Variants in FAM168A observed in about 807,000 individuals in gnomAD.
FAM168A encodes protein FAM168A.
A neutral mutation model predicts 28.5 loss-of-function variants in FAM168A; 3 were observed. That is an observed-to-expected ratio of 0.11 (90% CI 0.05 to 0.27). The LOEUF (loss-of-function observed/expected upper bound fraction) is 0.27, where lower values mean the gene tolerates loss of function less well. Among genes scored for constraint, FAM168A ranks in the 10% least tolerant of loss-of-function variants. FAM168A has a pLI of 1.00. For synonymous variants in FAM168A, 122 were observed against 124.2 expected, an observed-to-expected ratio of 0.98 and a Z score of 0.12; for missense variants, 222 against 311.5, an observed-to-expected ratio of 0.71 and a Z score of 2.16.
At chr11:73,524,373 G>A (rs1273042418) in intron 1 of FAM168A, among the ~76,000 whole-genome samples, 2 of 151,624 alleles carry the variant, frequency 1.3e-5, no homozygotes, top group Non-Finnish European at 2.9e-5. Context: ...ACCTAACTAT[G>A]AGGAGATCCA....
At position 73,411,504 on chromosome 11, in the gene FAM168A, G is replaced by T; in HGVS notation, c.310C>A (p.Pro104Thr). 6.2e-7 allele frequency: 1 copy of T among 1,614,046 alleles called. No homozygotes were observed. Residue 104 changes from proline (P) to threonine (T), a missense_variant, in exon 5 of 8, where the codon CCG becomes ACG. Physicochemically the swap from Pro to Thr is conservative, Grantham distance 38. Transcript: ENST00000356467. ...GGTGGAGCAGTGTTACTCTGGGTCGGTGGGACCTTGTATGGTGTCCCCGCA... is the reference window on the plus strand; with the variant it reads ...GGTGGAGCAGTGTTACTCTGGGTCGTTGGGACCTTGTATGGTGTCCCCGCA... ...YTAGTPYKVP[P>T]TQSNTAPPPY...
intron 1 of FAM168A, among the ~76,000 whole-genome samples, chr11:73,572,641 G>A (rs892323696): frequency 1.3e-5 from 2 of 149,624 alleles, no homozygotes; most frequent in African/African-American, 5.0e-5. Context: ...TAAGGGCGGT[G>A]CAAGATGTGC....
At chr11:73,494,777 A>AT (rs1854836519) in intron 1 of FAM168A, among the ~76,000 whole-genome samples, 2 of 152,158 alleles carry the variant, frequency 1.3e-5, no homozygotes, top group South Asian at 4.1e-4. Context: ...AGGAGGGCGG[A>AT]TTACTTGAAG....
intron 1 of FAM168A, among the ~76,000 whole-genome samples, chr11:73,587,161 A>T (rs1944323071): frequency 6.8e-6 from 1 of 145,988 alleles, no homozygotes; most frequent in Non-Finnish European, 1.5e-5. Context: ...TTAAAAAAAA[A>T]AAAAAAAAAA....
intron 1 of FAM168A, among the ~76,000 whole-genome samples, chr11:73,537,974 C>A (rs1943603194): frequency 6.6e-6 from 1 of 152,134 alleles, no homozygotes; most frequent in Non-Finnish European, 1.5e-5. Context: ...TTAATGAGCA[C>A]CAACTTAACA....
intron 2 of FAM168A, among the ~76,000 whole-genome samples, chr11:73,434,640 C>T (rs1867057741): frequency 6.6e-6 from 1 of 152,132 alleles, no homozygotes. Context: ...AGGTAAAGGG[C>T]TGGCCAGTTC....
At chr11:73,554,403 T>A (rs998381317) in intron 1 of FAM168A, among the ~76,000 whole-genome samples, 6 of 152,034 alleles carry the variant, frequency 3.9e-5, no homozygotes, top group African/African-American at 1.4e-4. Flanking sequence ...TGATATAATG[T>A]TAAATTAAAA....
At chr11:73,544,796 A>G (rs1590844944) in intron 1 of FAM168A, among the ~76,000 whole-genome samples, 9 of 108,634 alleles carry the variant, frequency 8.3e-5, no homozygotes, top group African/African-American at 2.5e-4. Flanking sequence ...TATTTTATAT[A>G]TGTAATTATA....
intron 1 of FAM168A, among the ~76,000 whole-genome samples, chr11:73,530,283 T>C (rs986860585): frequency 1.3e-5 from 2 of 152,256 alleles, no homozygotes; most frequent in African/African-American, 2.4e-5. Flanking sequence ...TGCCTTGCTC[T>C]GTGATACGAG....
At position 73,406,266 on chromosome 11, in the gene FAM168A, G is replaced by A. The variant is rs1262720360; in HGVS notation, c.*497C>T. 6.6e-6 allele frequency: 1 copy of A among 152,190 alleles called. No individual in the cohort carries two copies. Among genetic ancestry groups the A allele is most frequent in the African/African-American group, 2.4e-5 (1 of 41,438 alleles). The allele number at this position is 152,190 out of a possible 1,614,324, so 9.4% of individuals were successfully genotyped here. A position where few individuals can be genotyped will look rare whatever the true frequency, so the allele number is the denominator to read the frequency against. ...GACATTTCATTTGTGTCTGGGACAT[G>A]GGAATGTCCTGAACTAATCTTGCTT... On this transcript the variant is annotated 3_prime_UTR_variant, in exon 8 of 8. Coordinates refer to ENST00000356467, the MANE Select transcript of FAM168A (RefSeq NM_015159.3).
At chr11:73,492,807 C>G (rs913799939) in intron 1 of FAM168A, among the ~76,000 whole-genome samples, 1 of 152,148 alleles carries the variant, frequency 6.6e-6, no homozygotes, top group Non-Finnish European at 1.5e-5. Context: ...AGTTCAAAAT[C>G]CTGGTGGCAA....
intron 1 of FAM168A, among the ~76,000 whole-genome samples, chr11:73,536,913 A>C (rs564019294): frequency 6.6e-6 from 1 of 152,306 alleles, no homozygotes; most frequent in East Asian, 1.9e-4. Flanking sequence ...AAAGAAACTA[A>C]TGGGTCATAG....
chr11:73,535,418 C>CTTTT (rs557433454), intron 1 of FAM168A, among the ~76,000 whole-genome samples: 10 of 132,276 alleles, frequency 7.6e-5, no homozygotes, highest in Non-Finnish European at 1.1e-4. Context: ...TTCTTTCTTT[C>CTTTT]TTTTTTTTTT....
chr11:73,519,590 G>A (rs1317712638), intron 1 of FAM168A, among the ~76,000 whole-genome samples: 1 of 152,176 alleles, frequency 6.6e-6, no homozygotes, highest in Non-Finnish European at 1.5e-5. Flanking sequence ...AATTAAACAA[G>A]CCATAACAGA....
intron 1 of FAM168A, among the ~76,000 whole-genome samples, chr11:73,539,249 CTTTATT>C (rs1565289031): frequency 1.3e-5 from 2 of 151,614 alleles, no homozygotes; most frequent in African/African-American, 4.9e-5. Context: ...AATCAAGACT[CTTTATT>C]TTTATTTATT....
intron 1 of FAM168A, among the ~76,000 whole-genome samples, chr11:73,525,115 T>G (rs945944843): frequency 1.3e-5 from 2 of 152,012 alleles, no homozygotes; most frequent in African/African-American, 4.8e-5. Flanking sequence ...CTCTCTTTTT[T>G]GGGGGGTAGG....
At chr11:73,498,977 C>A (rs1226462432) in intron 1 of FAM168A, among the ~76,000 whole-genome samples, 1 of 152,098 alleles carries the variant, frequency 6.6e-6, no homozygotes, top group Non-Finnish European at 1.5e-5. Context: ...GAGTGGGTAT[C>A]CCCCCAGCGG....
chr11:73,409,672 G>A lies in FAM168A; in HGVS notation c.421-11C>T, dbSNP rs1866573505. 2 of 1,594,370 alleles carry A rather than the reference G, an allele frequency of 1.3e-6. No homozygotes were observed. The highest frequency in any genetic ancestry group is 8.6e-7 in the Non-Finnish European group (1 of 1,167,642). ...TGTGTAGTAGGCTCCCTGGGGGAAAGAGGCTGAGGTCACATAGGCATTTGG... is the reference window on the plus strand; with the variant it reads ...TGTGTAGTAGGCTCCCTGGGGGAAAAAGGCTGAGGTCACATAGGCATTTGG... On this transcript the variant is annotated splice_polypyrimidine_tract_variant and intron_variant, in intron 5 of 7. Coordinates refer to ENST00000356467, the MANE Select transcript of FAM168A (RefSeq NM_015159.3).
At chr11:73,522,776 G>A (rs1251895486) in intron 1 of FAM168A, among the ~76,000 whole-genome samples, 1 of 151,922 alleles carries the variant, frequency 6.6e-6, no homozygotes, top group Non-Finnish European at 1.5e-5. Flanking sequence ...ACTTTGGGAG[G>A]TCAAGGAGGG....
Sources: allele counts gnomAD v4.1 joint callset (sites outside exome capture counted in the v4.1 genomes callset), GRCh38; gene constraint gnomAD v4.1.1; transcripts MANE v1.5; gene names NCBI Gene and HGNC (gene_info 2026-07-23, HGNC 2026-07-21).